The following DEPTOR variants were observed in gnomAD, a reference collection of about 807,000 sequenced individuals.
The protein encoded by DEPTOR is DEP domain-containing mTOR-interacting protein.
A neutral mutation model predicts 41.6 loss-of-function variants in DEPTOR; 41 were observed. The ratio of observed to expected loss-of-function variants is 0.98; its 90% CI spans 0.77 to 1.28. The LOEUF is 1.28. DEPTOR is among the 50% of genes most tolerant of loss of function. The pLI is 0.00. For synonymous variants in DEPTOR, 195 were observed against 192.3 expected, an observed-to-expected ratio of 1.01 and a Z score of -0.12; for missense variants, 514 against 527.9, an observed-to-expected ratio of 0.97 and a Z score of 0.26.
At chr8:119,989,700 C>G (rs1812121070) in intron 4 of DEPTOR, among the ~76,000 whole-genome samples, 1 of 152,200 alleles carries the variant, frequency 6.6e-6, no homozygotes, top group Non-Finnish European at 1.5e-5. Flanking sequence ...CAGGGCCGTG[C>G]ACAGGCTATC....
At chr8:120,032,554 G>T (rs909956902) in intron 8 of DEPTOR, among the ~76,000 whole-genome samples, 1 of 152,110 alleles carries the variant, frequency 6.6e-6, no homozygotes, top group Non-Finnish European at 1.5e-5. Flanking sequence ...GTTCCCGAGT[G>T]GGACCACAAG....
intron 8 of DEPTOR, among the ~76,000 whole-genome samples, chr8:120,019,715 A>C (rs1405834022): frequency 6.6e-6 from 1 of 152,258 alleles, no homozygotes; most frequent in East Asian, 1.9e-4. Context: ...CCTTCGCCAC[A>C]GTCTGAGTAC....
rs186170588 is a variant in DEPTOR, at chr8:120,045,874, G to A, written c.1102-3702G>A. Among the ~76,000 whole-genome samples, 4 of 152,296 alleles carry A rather than the reference G, an allele frequency of 2.6e-5. No individual in the cohort carries two copies. The East Asian group carries it at 7.7e-4, about 29-fold the overall frequency. On this transcript the variant is annotated intron_variant, in intron 8 of 8. Coordinates refer to ENST00000286234, the MANE Select transcript of DEPTOR (RefSeq NM_022783.4). Reference sequence around the variant, plus strand: ...ACCCTGACCAGTATTAGTGACTGGTGCCACTGGCCCTTGGCCAGACAGCCC... The same window carrying A: ...ACCCTGACCAGTATTAGTGACTGGTACCACTGGCCCTTGGCCAGACAGCCC...
At position 120,049,695 on chromosome 8, in the gene DEPTOR, A is replaced by G; in HGVS notation, c.1221A>G (p.Leu407=). ...TTGTCATGGAAGTCATGGAGGAGTT[A>G]GAGTGCTGAGCTCCTGGGCCTCCCA... The part of the protein sequence containing the change: ...RTIVMEVMEE[L]EC The change falls in exon 9 of 9, where the codon TTA becomes TTG. Residue 407 remains leucine (L), a synonymous_variant. Coordinates refer to ENST00000286234, the MANE Select transcript of DEPTOR (RefSeq NM_022783.4). The G allele has an allele frequency of 6.2e-7, 1 of 1,613,908 alleles. No individual in the cohort carries two copies. The highest frequency in any genetic ancestry group is 1.1e-5 in the South Asian group (1 of 91,064).
At chr8:119,910,481 C>T (rs1040502908) in intron 1 of DEPTOR, among the ~76,000 whole-genome samples, 7 of 151,572 alleles carry the variant, frequency 4.6e-5, no homozygotes, top group Non-Finnish European at 1.0e-4. Flanking sequence ...GAGACAGAGT[C>T]CCGCTCTGTC....
intron 1 of DEPTOR, among the ~76,000 whole-genome samples, chr8:119,877,355 G>C (rs1271977183): frequency 1.3e-5 from 2 of 152,222 alleles, no homozygotes; most frequent in African/African-American, 4.8e-5. Flanking sequence ...GTACAGAGCA[G>C]TATAATAGTC....
chr8:120,029,157 C>T (rs10955947), intron 8 of DEPTOR, among the ~76,000 whole-genome samples: 54,391 of 151,758 alleles, frequency 0.36, 10,559 homozygotes, highest in East Asian at 0.58. Flanking sequence ...ATGCAGGACA[C>T]CTGGCCCGTC....
chr8:119,939,659 G>A (rs1828176196), intron 3 of DEPTOR, among the ~76,000 whole-genome samples: 1 of 152,000 alleles, frequency 6.6e-6, no homozygotes, highest in Admixed American at 6.6e-5. Context: ...GGTTTTAGTA[G>A]AGGTGGGGTT....
At chr8:119,975,808 T>G (rs1386090001) in intron 4 of DEPTOR, among the ~76,000 whole-genome samples, 2 of 150,974 alleles carry the variant, frequency 1.3e-5, no homozygotes, top group Non-Finnish European at 2.9e-5. Flanking sequence ...GACCTAGCCT[T>G]GCTTGCCCAC....
chr8:119,991,090 T>C (rs867461986), intron 4 of DEPTOR, among the ~76,000 whole-genome samples: 33 of 90,816 alleles, frequency 3.6e-4, no homozygotes, highest in Admixed American at 3.0e-3. Context: ...TTCTTTCTTT[T>C]TCTTTCTTTC....
At chr8:119,996,552 G>A (rs945704613) in intron 4 of DEPTOR, among the ~76,000 whole-genome samples, 1 of 152,142 alleles carries the variant, frequency 6.6e-6, no homozygotes, top group Non-Finnish European at 1.5e-5. Context: ...GTTGGTTATA[G>A]GTGGTATAGA....
Position 119,877,055 on chromosome 8 carries a change from G to A in DEPTOR, c.122+3087G>A, listed in dbSNP as rs965197294. On this transcript the variant is annotated intron_variant, in intron 1 of 8. Transcript: ENST00000286234. ...ACTAGGCTGCCTGGGTTCTTATTCTGCCTCCACCATTTATTCTGTAACTTT... is the reference window on the plus strand; with the variant it reads ...ACTAGGCTGCCTGGGTTCTTATTCTACCTCCACCATTTATTCTGTAACTTT... Among the ~76,000 whole-genome samples, 4 of 152,140 alleles carry A rather than the reference G, an allele frequency of 2.6e-5. No individual in the cohort carries two copies. The South Asian group carries it at 6.2e-4, about 24-fold the overall frequency.
chr8:120,035,353 T>A (rs1812964598), intron 8 of DEPTOR, among the ~76,000 whole-genome samples: 1 of 151,524 alleles, frequency 6.6e-6, no homozygotes, highest in African/African-American at 2.4e-5. Flanking sequence ...AAGAAAAGAA[T>A]GTGTCTCTTG....
rs36212257 is a variant in DEPTOR, at chr8:119,978,944, TCTCCCTGCTCCCTG to T, written c.604+13552_604+13565del. Among the ~76,000 whole-genome samples, 446 of 150,580 alleles carry T rather than the reference TCTCCCTGCTCCCTG, an allele frequency of 3.0e-3. 2 individuals are homozygous for T. Among genetic ancestry groups the T allele is most frequent in the African/African-American group, 9.5e-3 (387 of 40,930 alleles). On this transcript the variant is annotated intron_variant, in intron 4 of 8. Transcript: ENST00000286234. ...AAAAACTCCTTCTTTCTATCTTCCC[TCTCCCTGCTCCCTG>T]CTCCCTGCTCCCTGCTCACCCCCAC... is the stretch of plus-strand genomic sequence containing the variant.
intron 8 of DEPTOR, among the ~76,000 whole-genome samples, chr8:120,020,130 C>G (rs999716914): frequency 6.6e-6 from 1 of 152,152 alleles, no homozygotes; most frequent in Non-Finnish European, 1.5e-5. Flanking sequence ...CTCTGTCACC[C>G]AGGCTGGAGT....
chr8:120,038,594 A>C (rs76809156), intron 8 of DEPTOR, among the ~76,000 whole-genome samples: 1 of 52,896 alleles, frequency 1.9e-5, no homozygotes. Context: ...CCCTATCTCA[A>C]AAAAAAAAAA....
intron 7 of DEPTOR, among the ~76,000 whole-genome samples, chr8:120,008,083 C>A (rs561982175): frequency 3.5e-4 from 53 of 152,310 alleles, no homozygotes; most frequent in African/African-American, 1.2e-3. Context: ...AAACTGCCAG[C>A]TCTAATAATG....
intron 8 of DEPTOR, among the ~76,000 whole-genome samples, chr8:120,046,170 A>G (rs1813150007): frequency 1.3e-5 from 2 of 152,114 alleles, no homozygotes; most frequent in Non-Finnish European, 2.9e-5. Flanking sequence ...GTTTTGTTTC[A>G]TTACTTAACT....
chr8:119,892,838 A>G (rs1425574688), intron 1 of DEPTOR, among the ~76,000 whole-genome samples: 1 of 151,118 alleles, frequency 6.6e-6, no homozygotes, highest in Non-Finnish European at 1.5e-5. Context: ...GCTGGAGTGC[A>G]GTGGCACGAT....
Sources: allele counts gnomAD v4.1 joint callset (sites outside exome capture counted in the v4.1 genomes callset), GRCh38; gene constraint gnomAD v4.1.1; transcripts MANE v1.5; gene names NCBI Gene and HGNC (gene_info 2026-07-23, HGNC 2026-07-21).